EXOC4: variants seen among roughly 807,000 people sequenced by gnomAD.
EXOC4 encodes the protein SEC8-like 1.
Under a neutral mutation model 107.2 loss-of-function variants are expected in EXOC4, and 71 were observed. That is an observed-to-expected ratio of 0.66 (90% CI 0.55 to 0.81). The LOEUF is 0.81. Ranked by LOEUF, EXOC4 falls within the 30% of genes least tolerant of loss-of-function variation. The pLI, the probability that EXOC4 is intolerant of heterozygous loss-of-function variation, is 0.00. For missense variants in EXOC4, 1,108 were observed against 1,189.6 expected (o/e 0.93, Z 1.01); for synonymous variants, 456 against 441.2 (o/e 1.03, Z -0.42).
chr7:133,591,979 C>A (rs1240865457), intron 9 of EXOC4, among the ~76,000 whole-genome samples: 1 of 152,158 alleles, frequency 6.6e-6, no homozygotes, highest in Non-Finnish European at 1.5e-5. Flanking sequence ...AAATTCACCT[C>A]CTGGGATTAT....
intron 11 of EXOC4, among the ~76,000 whole-genome samples, chr7:133,862,964 A>G (rs1798565840): frequency 6.6e-6 from 1 of 152,202 alleles, no homozygotes; most frequent in African/African-American, 2.4e-5. Flanking sequence ...AATCAGAATT[A>G]TTAGGGTTCA....
At chr7:133,321,559 C>G (rs1795113201) in intron 5 of EXOC4, among the ~76,000 whole-genome samples, 1 of 151,850 alleles carries the variant, frequency 6.6e-6, no homozygotes, top group African/African-American at 2.4e-5. Context: ...ATGAACTCAT[C>G]CTTTTTTATG....
chr7:133,644,037 C>T (rs1439564998), intron 10 of EXOC4, among the ~76,000 whole-genome samples: 7 of 152,174 alleles, frequency 4.6e-5, no homozygotes, highest in South Asian at 4.1e-4. Context: ...CCCGGCCTCC[C>T]GTTCATTCAA....
chr7:133,596,337 C>T (rs1163078730), intron 9 of EXOC4, among the ~76,000 whole-genome samples: 1 of 152,140 alleles, frequency 6.6e-6, no homozygotes, highest in Non-Finnish European at 1.5e-5. Flanking sequence ...AATAGGCTAA[C>T]TTTGTTTTAC....
chr7:133,487,849 G>T (rs1454109895), intron 9 of EXOC4, among the ~76,000 whole-genome samples: 3 of 152,084 alleles, frequency 2.0e-5, no homozygotes, highest in Non-Finnish European at 4.4e-5. Flanking sequence ...GTTCACATTG[G>T]TTTTTTAATA....
intron 10 of EXOC4, among the ~76,000 whole-genome samples, chr7:133,736,125 G>T (rs964011644): frequency 2.6e-5 from 4 of 151,964 alleles, no homozygotes; most frequent in African/African-American, 9.7e-5. Context: ...TATGTCCACT[G>T]ATTTCTTTCT....
chr7:133,371,995 C>T (rs1169331579), intron 6 of EXOC4, among the ~76,000 whole-genome samples: 1 of 152,116 alleles, frequency 6.6e-6, no homozygotes, highest in Non-Finnish European at 1.5e-5. Flanking sequence ...AGATGTTAAG[C>T]ATCTTTTTGT....
intron 3 of EXOC4, among the ~76,000 whole-genome samples, chr7:133,295,801 C>G (rs951447933): frequency 6.6e-6 from 1 of 152,126 alleles, no homozygotes; most frequent in Non-Finnish European, 1.5e-5. Context: ...CCAAAACATA[C>G]ATACATCCCT....
intron 9 of EXOC4, among the ~76,000 whole-genome samples, chr7:133,505,768 T>A (rs1409470744): frequency 6.6e-6 from 1 of 152,184 alleles, no homozygotes; most frequent in Non-Finnish European, 1.5e-5. Flanking sequence ...TGATGTTCTG[T>A]AGTTAGATTC....
At position 133,587,515 on chromosome 7, in the gene EXOC4, G is replaced by C. The variant is rs566111934; in HGVS notation, c.1418-42530G>C. Among the ~76,000 whole-genome samples the C allele has an allele frequency of 2.0e-5, 3 of 152,282 alleles. No individual in the cohort carries two copies. The South Asian group carries it at 6.2e-4, about 32-fold the overall frequency. ...AACTAGACGGGCCTTGGACAGGTGG[G>C]GAGTTAGCAGCCAATTTTATTCACA... On this transcript the variant is annotated intron_variant, in intron 9 of 17. Coordinates refer to ENST00000253861, the MANE Select transcript of EXOC4 (RefSeq NM_021807.4).
intron 10 of EXOC4, among the ~76,000 whole-genome samples, chr7:133,647,040 C>T (rs935740911): frequency 6.6e-6 from 1 of 152,092 alleles, no homozygotes; most frequent in Non-Finnish European, 1.5e-5. Flanking sequence ...GTCAAATTAC[C>T]GATGCAGTCC....
chr7:133,434,948 A>C (rs915550312), intron 7 of EXOC4, among the ~76,000 whole-genome samples: 13 of 152,174 alleles, frequency 8.5e-5, no homozygotes, highest in Non-Finnish European at 1.6e-4. Flanking sequence ...GGTGATGCCT[A>C]ATTTATTTAG....
At chr7:133,682,930 C>T (rs1794218929) in intron 10 of EXOC4, among the ~76,000 whole-genome samples, 1 of 152,182 alleles carries the variant, frequency 6.6e-6, no homozygotes, top group South Asian at 2.1e-4. Context: ...TATGGATTTA[C>T]CCTCTTGTGC....
intron 10 of EXOC4, among the ~76,000 whole-genome samples, chr7:133,743,688 G>C (rs1795615902): frequency 6.6e-6 from 1 of 152,078 alleles, no homozygotes; most frequent in South Asian, 2.1e-4. Flanking sequence ...GGCCATACTT[G>C]GGCCATTGTT....
chr7:133,807,132 G>A (rs1367904591), intron 10 of EXOC4, among the ~76,000 whole-genome samples: 1 of 152,184 alleles, frequency 6.6e-6, no homozygotes, highest in Non-Finnish European at 1.5e-5. Flanking sequence ...CCGGACTGGA[G>A]TGTGCACAGA....
At chr7:133,935,226 T>G (rs1800272463) in intron 13 of EXOC4, among the ~76,000 whole-genome samples, 1 of 152,050 alleles carries the variant, frequency 6.6e-6, no homozygotes, top group South Asian at 2.1e-4. Context: ...TTGCCGTGGC[T>G]TCATTCCATG....
chr7:133,868,433 T>C (rs1201414409), intron 11 of EXOC4, among the ~76,000 whole-genome samples: 1 of 152,228 alleles, frequency 6.6e-6, no homozygotes, highest in East Asian at 1.9e-4. Context: ...TGATCGTTCA[T>C]GCAATCTGCC....
intron 10 of EXOC4, among the ~76,000 whole-genome samples, chr7:133,731,730 T>C (rs957745400): frequency 6.6e-6 from 1 of 152,186 alleles, no homozygotes; most frequent in African/African-American, 2.4e-5. Flanking sequence ...TAATAAAAGC[T>C]TGTTTTTTCA....
chr7:133,446,195 G>A (rs911119589), intron 7 of EXOC4, among the ~76,000 whole-genome samples: 1 of 152,032 alleles, frequency 6.6e-6, no homozygotes, highest in Non-Finnish European at 1.5e-5. Context: ...AGTATTCTCT[G>A]TGCTTGTACA....
Sources: allele counts gnomAD v4.1 joint callset (sites outside exome capture counted in the v4.1 genomes callset), GRCh38; gene constraint gnomAD v4.1.1; transcripts MANE v1.5; gene names NCBI Gene and HGNC (gene_info 2026-07-23, HGNC 2026-07-21).